The following CACNA1D variants were observed in gnomAD, a reference collection of about 807,000 sequenced individuals.
The protein encoded by CACNA1D is calcium voltage-gated channel subunit alpha1 D, also known as voltage-dependent L-type calcium channel subunit alpha-1D.
In CACNA1D, 55 loss-of-function variants were observed where a neutral mutation model predicts 257.1. The ratio of observed to expected loss-of-function variants is 0.21; its 90% CI spans 0.17 to 0.27. The LOEUF is 0.27. CACNA1D is among the 10% of genes least tolerant of loss of function. The probability of loss-of-function intolerance (pLI) is 1.00; values close to 1 mark genes in which losing one functional copy is unlikely to be tolerated. For missense variants in CACNA1D, 1,876 were observed against 2,784.0 expected (o/e 0.67, Z 7.34); for synonymous variants, 980 against 1,014.9 (o/e 0.97, Z 0.65).
chr3:53,574,881 C>A (rs2093009251), intron 3 of CACNA1D, among the ~76,000 whole-genome samples: 1 of 152,214 alleles, frequency 6.6e-6, no homozygotes. Context: ...CAGGGTAAGA[C>A]CCCTGCTCAG....
chr3:53,611,183 AG>A (rs2093578772), intron 3 of CACNA1D, among the ~76,000 whole-genome samples: 1 of 152,172 alleles, frequency 6.6e-6, no homozygotes, highest in Admixed American at 6.5e-5. Context: ...GCTCAAGACC[AG>A]CCTAGCACAG....
chr3:53,779,222 A>G (rs761306795), intron 37 of CACNA1D, among the ~76,000 whole-genome samples: 12 of 152,134 alleles, frequency 7.9e-5, no homozygotes, highest in Non-Finnish European at 1.5e-4. Context: ...AAAGGAGAAG[A>G]CTGTTTGAAC....
intron 3 of CACNA1D, among the ~76,000 whole-genome samples, chr3:53,544,607 G>A (rs2092372684): frequency 6.6e-6 from 1 of 152,250 alleles, no homozygotes; most frequent in Admixed American, 6.5e-5. Context: ...GGAGTCACCT[G>A]TGTGTTGTGC....
At chr3:53,639,268 C>T (rs1208017903) in intron 3 of CACNA1D, among the ~76,000 whole-genome samples, 1 of 151,980 alleles carries the variant, frequency 6.6e-6, no homozygotes, top group African/African-American at 2.4e-5. Context: ...ACCTATCTTA[C>T]TCTGTAGCTT....
intron 3 of CACNA1D, among the ~76,000 whole-genome samples, chr3:53,524,832 A>G (rs1284307014): frequency 2.0e-5 from 3 of 152,142 alleles, no homozygotes; most frequent in African/African-American, 4.8e-5. Flanking sequence ...ACACTCACTC[A>G]CTTGAGCCAT....
chr3:53,701,508 C>T lies in CACNA1D; in HGVS notation c.1221-1133C>T, dbSNP rs574214762. Reference sequence around the variant, plus strand: ...GTTGAGTTGGGTTGGGTTGGCTTATCGAGGTAGGACCCTGAAAGAGACATG... The same window carrying T: ...GTTGAGTTGGGTTGGGTTGGCTTATTGAGGTAGGACCCTGAAAGAGACATG... On this transcript the variant is annotated intron_variant, in intron 8 of 47. Coordinates refer to ENST00000350061, the MANE Select transcript of CACNA1D (RefSeq NM_001128840.3). Among the ~76,000 whole-genome samples, 16 of 152,238 alleles carry T rather than the reference C, an allele frequency of 1.1e-4. No homozygotes were observed. In the South Asian group the frequency reaches 1.2e-3, roughly 12 times the overall value.
At chr3:53,672,265 G>C (rs2094330203) in intron 7 of CACNA1D, among the ~76,000 whole-genome samples, 1 of 152,194 alleles carries the variant, frequency 6.6e-6, no homozygotes, top group African/African-American at 2.4e-5. Flanking sequence ...GCTAAGTGTG[G>C]AGAATAAGGG....
At chr3:53,541,846 G>A (rs993523502) in intron 3 of CACNA1D, among the ~76,000 whole-genome samples, 1 of 152,080 alleles carries the variant, frequency 6.6e-6, no homozygotes, top group African/African-American at 2.4e-5. Flanking sequence ...CCATAAGTGG[G>A]TATTACTCCC....
At chr3:53,720,501 A>G (rs1187579863) in intron 11 of CACNA1D, among the ~76,000 whole-genome samples, 1 of 152,362 alleles carries the variant, frequency 6.6e-6, no homozygotes, top group East Asian at 1.9e-4. Context: ...TTTGCAAAGC[A>G]TATTTGATAA....
At chr3:53,621,531 A>G (rs533022617) in intron 3 of CACNA1D, among the ~76,000 whole-genome samples, 32 of 152,360 alleles carry the variant, frequency 2.1e-4, no homozygotes, top group African/African-American at 7.5e-4. Context: ...AGGCTTAAAC[A>G]TACTTGCATG....
At chr3:53,782,254 G>GTATA (rs2095429159) in intron 39 of CACNA1D, 2 of 55,626 alleles carry the variant, frequency 3.6e-5, no homozygotes, top group African/African-American at 1.6e-4. Flanking sequence ...GTGTGTGTGT[G>GTATA]TGTGTGTGTG....
intron 3 of CACNA1D, among the ~76,000 whole-genome samples, chr3:53,615,984 A>G (rs2093632326): frequency 6.6e-6 from 1 of 151,978 alleles, no homozygotes. Flanking sequence ...GTATGACTTG[A>G]TGTGTGACAT....
At chr3:53,501,543 G>A (rs2090604565) in intron 2 of CACNA1D, 72 bp from the exon 3 acceptor site, 1 of 812,302 alleles carries the variant, frequency 1.2e-6, no homozygotes, top group African/African-American at 1.7e-5. Flanking sequence ...TGAAAGTGGT[G>A]TGATCGGGAG....
Position 53,811,744 on chromosome 3 carries a change from A to C in CACNA1D, c.*338A>C. On this transcript the variant is annotated 3_prime_UTR_variant, in exon 48 of 48. Transcript: ENST00000350061. This position sits in a 1 kb window ranked among gnomAD's most constrained non-coding sequence, Gnocchi z 4.2. ...GTCTGCTTCTCCCATGTACCAGGGC[A>C]CCAGGCCCACCCAACTGAAGGCATG... 1 of 203,254 alleles carries C rather than the reference A, an allele frequency of 4.9e-6. No individual in the cohort carries two copies. Among genetic ancestry groups the C allele is most frequent in the Non-Finnish European group, 9.9e-6 (1 of 101,188 alleles). 12.6% of individuals were successfully genotyped at this position (203,254 alleles called of 1,614,324 possible).
At position 53,800,749 on chromosome 3, in the gene CACNA1D, A is replaced by G; in HGVS notation, c.5041-309A>G. On this transcript the variant is annotated intron_variant, in intron 41 of 47. Transcript: ENST00000350061. The surrounding 1 kb of genome is among the most constrained non-coding windows in gnomAD (Gnocchi z 4.3). ...TCCCCCAGCCCAGAGAGCATGCCCAACCTTGGGGCCACCAGCCAGCCCAGC... is the reference window on the plus strand; with the variant it reads ...TCCCCCAGCCCAGAGAGCATGCCCAGCCTTGGGGCCACCAGCCAGCCCAGC... 1.9e-6 allele frequency: 1 copy of G among 515,096 alleles called. No homozygotes were observed. The highest frequency in any genetic ancestry group is 3.5e-6 in the Non-Finnish European group (1 of 283,914). The allele number at this position is 515,096 out of a possible 1,614,324, so 31.9% of individuals were successfully genotyped here.
intron 21 of CACNA1D, among the ~76,000 whole-genome samples, chr3:53,741,199 C>A (rs2095114711): frequency 6.6e-6 from 1 of 152,198 alleles, no homozygotes; most frequent in Non-Finnish European, 1.5e-5. Context: ...GGCCAAGAAC[C>A]ACAGGGCGTG....
At chr3:53,674,549 G>A (rs1559499119) in intron 8 of CACNA1D, among the ~76,000 whole-genome samples, 2 of 152,214 alleles carry the variant, frequency 1.3e-5, no homozygotes, top group Non-Finnish European at 2.9e-5. Context: ...TCTCCATAAA[G>A]AGGGTGCAAC....
chr3:53,731,145 A>G lies in CACNA1D; in HGVS notation c.2405A>G (p.Lys802Arg). Residue 802 changes from lysine (K) to arginine (R), a missense_variant and splice_region_variant, in exon 17 of 48, where the codon AAG (lysine) becomes AGG (arginine). This residue lies in a region of CACNA1D where 78 missense variants were observed against 69.2 expected (regional missense o/e 1.13). Coordinates refer to ENST00000350061, the MANE Select transcript of CACNA1D (RefSeq NM_001128840.3). The stretch of plus-strand genomic sequence containing the variant: ...AACCAGATAGCCAACAGTGACAACA[A>G]GGTATGTATTCTAAGATGCTTCTCC... ...EVNQIANSDN[K>R]VTIDDYREED... The G allele has an allele frequency of 6.2e-7, 1 of 1,600,098 alleles. No individual in the cohort carries two copies. The highest frequency in any genetic ancestry group is 8.6e-7 in the Non-Finnish European group (1 of 1,167,232).
intron 16 of CACNA1D, 84 bp downstream of exon 16, chr3:53,730,640 G>A (rs2094981355): frequency 1.5e-5 from 15 of 1,022,248 alleles, no homozygotes; most frequent in East Asian, 5.1e-5. Flanking sequence ...GCTTACCCCC[G>A]CATCACGGCA....
Sources: allele counts gnomAD v4.1 joint callset (sites outside exome capture counted in the v4.1 genomes callset), GRCh38; gene constraint gnomAD v4.1.1; regional missense constraint gnomAD v4.1.1; non-coding constraint Gnocchi (gnomAD v3.1); transcripts MANE v1.5; gene names NCBI Gene and HGNC (gene_info 2026-07-23, HGNC 2026-07-21).